Variants in HIPK1 observed in about 807,000 individuals in gnomAD.
HIPK1 encodes the protein homeodomain interacting protein kinase 1.
HIPK1 carries 28 observed loss-of-function variants against 117.1 expected under a neutral mutation model. The observed-to-expected ratio is 0.24, with a 90% CI of 0.18 to 0.33. HIPK1 has a LOEUF of 0.33. HIPK1 is among the 10% of genes least tolerant of loss of function. The probability of loss-of-function intolerance (pLI) is 1.00; values close to 1 mark genes in which losing one functional copy is unlikely to be tolerated. For synonymous variants in HIPK1, 605 were observed against 562.5 expected (o/e 1.08, Z -1.07); for missense variants, 1,122 against 1,475.1 (o/e 0.76, Z 3.92).
rs1672738530 is a variant in HIPK1, at chr1:113,970,346, A to G, written c.3013+149A>G. On this transcript the variant is annotated intron_variant, in intron 14 of 15. Coordinates refer to ENST00000426820, the MANE Select transcript of HIPK1 (RefSeq NM_198268.3). ...TAATTCAGAAATCAGTTCCCTGCAC[A>G]ATGTGAAATTATTTTTGGCCATCAC... 4 of 817,584 alleles carry G rather than the reference A, an allele frequency of 4.9e-6. No homozygotes were observed. The South Asian group carries it at 7.0e-5, about 14-fold the overall frequency. The allele number at this position is 817,584 out of a possible 1,614,324, so 50.6% of individuals were successfully genotyped here.
rs777283008 is a variant in HIPK1, at chr1:113,973,384, A to G, written c.3505A>G (p.Ser1169Gly). The G allele has an allele frequency of 2.9e-5, 47 of 1,613,996 alleles. No homozygotes were observed. In the Admixed American group the frequency reaches 7.7e-4, roughly 26 times the overall value. ...TGGGCCCAGCCTCCTCACTTCTGCCAGCGTGGCCCCTGCTCAGTACCAACA... is the reference window on the plus strand; with the variant it reads ...TGGGCCCAGCCTCCTCACTTCTGCCGGCGTGGCCCCTGCTCAGTACCAACA... ...SVGPSLLTSA[S>G]VAPAQYQHQF... The change falls in exon 16 of 16, where the codon AGC becomes GGC. Residue 1169 changes from serine (S) to glycine (G), a missense_variant. Coordinates refer to ENST00000426820, the MANE Select transcript of HIPK1 (RefSeq NM_198268.3).
chr1:113,962,334 A>G lies in HIPK1; in HGVS notation c.1999A>G (p.Thr667Ala), dbSNP rs778920699. 3.1e-6 allele frequency: 5 copies of G among 1,613,794 alleles called. No homozygotes were observed. In the Admixed American group the frequency reaches 5.0e-5, roughly 16 times the overall value. ...PAFQTGLQAT[T>A]KHSGFPVRMD... ...TTCAATAGCTGGACTACAAGCAACA[A>G]CAAAGCATTCTGGATTCCCTGTGAG... The change falls in exon 9 of 16, where the codon ACA becomes GCA. Residue 667 changes from threonine to alanine, a missense_variant. By Grantham distance (58) the Thr-to-Ala change is moderately conservative. This residue lies in a region of HIPK1 where 731 missense variants were observed against 860.4 expected (regional missense o/e 0.85). Coordinates refer to ENST00000426820, the MANE Select transcript of HIPK1 (RefSeq NM_198268.3).
chr1:113,931,440 G>A (rs1669892327), intron 1 of HIPK1, among the ~76,000 whole-genome samples: 1 of 152,094 alleles, frequency 6.6e-6, no homozygotes, highest in Non-Finnish European at 1.5e-5. Flanking sequence ...GGAACTGGAG[G>A]CAGCCAAGCC....
At chr1:113,930,486 A>G (rs1296955314) in intron 1 of HIPK1, 2 of 152,206 alleles carry the variant, frequency 1.3e-5, no homozygotes, top group Non-Finnish European at 2.9e-5. Context: ...ACTACGTGAG[A>G]CCAGCCCACC....
intron 1 of HIPK1, among the ~76,000 whole-genome samples, chr1:113,938,196 G>C (rs6658209): frequency 6.6e-6 from 1 of 150,550 alleles, no homozygotes; most frequent in African/African-American, 2.4e-5. Flanking sequence ...TCTTGAACTC[G>C]TGGACTCAAG....
intron 8 of HIPK1, 41 bp from the exon 9 acceptor site, chr1:113,962,276 G>T: frequency 6.2e-7 from 1 of 1,604,406 alleles, no homozygotes; most frequent in South Asian, 1.1e-5. Context: ...AGTACTCCCA[G>T]ACCTTGCAAA....
chr1:113,940,366 C>T lies in HIPK1; in HGVS notation c.-2-16C>T. 3.2e-6 allele frequency: 5 copies of T among 1,551,790 alleles called. No individual in the cohort carries two copies. Among genetic ancestry groups the T allele is most frequent in the Non-Finnish European group, 4.3e-6 (5 of 1,150,158 alleles). On this transcript the variant is annotated splice_polypyrimidine_tract_variant and intron_variant, in intron 1 of 15. Transcript: ENST00000426820. Reference sequence around the variant, plus strand: ...TTTTATCCTTGTGGTCTAATTCTTCCTTTCTCTCAATATAGGTATGGCATC... The same window carrying T: ...TTTTATCCTTGTGGTCTAATTCTTCTTTTCTCTCAATATAGGTATGGCATC...
chr1:113,951,945 CTT>C (rs34394248), intron 2 of HIPK1, among the ~76,000 whole-genome samples: 73 of 110,634 alleles, frequency 6.6e-4, no homozygotes, highest in Admixed American at 1.6e-3. Flanking sequence ...TTGACCAGGG[CTT>C]TTTTTTTTTT....
At chr1:113,967,022 A>T (rs143312522) in intron 11 of HIPK1, among the ~76,000 whole-genome samples, 2,973 of 152,252 alleles carry the variant, frequency 0.02, 67 homozygotes, top group Non-Finnish European at 0.029. Context: ...TTCACTTAAC[A>T]TGATGATCTT....
At chr1:113,937,485 C>A (rs535419105) in intron 1 of HIPK1, among the ~76,000 whole-genome samples, 1 of 151,634 alleles carries the variant, frequency 6.6e-6, no homozygotes, top group Non-Finnish European at 1.5e-5. Context: ...AATCAAGGAT[C>A]GAGCATTTGA....
chr1:113,937,672 T>C (rs1670341251), intron 1 of HIPK1, among the ~76,000 whole-genome samples: 1 of 152,162 alleles, frequency 6.6e-6, no homozygotes, highest in Non-Finnish European at 1.5e-5. Context: ...GAGCTTATAC[T>C]GTAGCTGGGA....
At chr1:113,932,478 T>C (rs1459690669) in intron 1 of HIPK1, among the ~76,000 whole-genome samples, 1 of 150,538 alleles carries the variant, frequency 6.6e-6, no homozygotes, top group East Asian at 2.0e-4. Flanking sequence ...CAAGTGATTC[T>C]CATACCTCTG....
At chr1:113,943,133 G>GTTAAAATT (rs1256126393) in intron 2 of HIPK1, among the ~76,000 whole-genome samples, 1 of 152,146 alleles carries the variant, frequency 6.6e-6, no homozygotes, top group African/African-American at 2.4e-5. Flanking sequence ...TAACCATTTG[G>GTTAAAATT]TACCACTCAT....
At position 113,940,716 on chromosome 1, in the gene HIPK1, C is replaced by T. The variant is rs776944920; in HGVS notation, c.333C>T (p.Asn111=). Residue 111 remains asparagine (N), a synonymous_variant, in exon 2 of 16, where the codon AAC becomes AAT. Coordinates refer to ENST00000426820, the MANE Select transcript of HIPK1 (RefSeq NM_198268.3). ...QSSQTLTHRS[N]VSLLEPYQKC... ...GCCAGACCCTGACTCACAGAAGCAACGTTTCTTTGCTTGAGCCATATCAAA... is the reference window on the plus strand; with the variant it reads ...GCCAGACCCTGACTCACAGAAGCAATGTTTCTTTGCTTGAGCCATATCAAA... 1.2e-6 allele frequency: 2 copies of T among 1,614,144 alleles called. No individual in the cohort carries two copies.
Position 113,941,429 on chromosome 1 carries a change from G to A in HIPK1, c.1046G>A (p.Cys349Tyr). 6.2e-7 allele frequency: 1 copy of A among 1,613,870 alleles called. No homozygotes were observed. Among genetic ancestry groups the A allele is most frequent in the Non-Finnish European group, 8.5e-7 (1 of 1,179,840 alleles). Residue 349 changes from cysteine (C) to tyrosine (Y), a missense_variant, in exon 2 of 16, where the codon TGC (cysteine) becomes TAC (tyrosine). By Grantham distance (194) the Cys-to-Tyr change is radical. Around this residue, in one of 6 missense-constraint regions of HIPK1, gnomAD observed 127 missense variants for 197.9 expected, o/e 0.64. Coordinates refer to ENST00000426820, the MANE Select transcript of HIPK1 (RefSeq NM_198268.3). This position sits in a 1 kb window ranked among gnomAD's most constrained non-coding sequence, Gnocchi z 4.9. ...GSASHVSKAV[C>Y]STYLQSRYYR... ...GCTAGTCACGTTTCCAAAGCTGTGT[G>A]CTCAACCTACTTACAGTCACGTTAC... is the stretch of plus-strand genomic sequence containing the variant.
chr1:113,961,715 A>G (rs762424342), intron 8 of HIPK1, among the ~76,000 whole-genome samples: 2 of 152,026 alleles, frequency 1.3e-5, no homozygotes, highest in African/African-American at 2.4e-5. Flanking sequence ...GGAGGCCAAG[A>G]TGGGCAGATC....
intron 4 of HIPK1, among the ~76,000 whole-genome samples, chr1:113,954,996 A>G (rs1671616519): frequency 6.6e-6 from 1 of 152,232 alleles, no homozygotes; most frequent in Non-Finnish European, 1.5e-5. Flanking sequence ...TGTTCAATCC[A>G]CAGCTGATAG....
chr1:113,940,748 G>T lies in HIPK1; in HGVS notation c.365G>T (p.Gly122Val). 1 of 1,614,088 alleles carries T rather than the reference G, an allele frequency of 6.2e-7. No individual in the cohort carries two copies. The highest frequency in any genetic ancestry group is 8.5e-7 in the Non-Finnish European group (1 of 1,180,034). Reference protein sequence around the residue: ...VSLLEPYQKCGLKRKSEEVDS... With the variant: ...VSLLEPYQKCVLKRKSEEVDS... ...TTGCTTGAGCCATATCAAAAATGTG[G>T]ATTGAAACGAAAAAGTGAGGAAGTT... The change falls in exon 2 of 16, where the codon GGA (glycine) becomes GTA (valine). Residue 122 changes from glycine (G) to valine (V), a missense_variant. This residue lies in a region of HIPK1 where 192 missense variants were observed against 234.0 expected (regional missense o/e 0.82). Coordinates refer to ENST00000426820, the MANE Select transcript of HIPK1 (RefSeq NM_198268.3).
At chr1:113,956,022 T>C (rs1055239018) in intron 5 of HIPK1, among the ~76,000 whole-genome samples, 6 of 151,918 alleles carry the variant, frequency 3.9e-5, no homozygotes, top group African/African-American at 1.4e-4. Flanking sequence ...GTAGAAGCTT[T>C]TATATTTAGG....
Sources: allele counts gnomAD v4.1 joint callset (sites outside exome capture counted in the v4.1 genomes callset), GRCh38; gene constraint gnomAD v4.1.1; regional missense constraint gnomAD v4.1.1; non-coding constraint Gnocchi (gnomAD v3.1); transcripts MANE v1.5; gene names NCBI Gene and HGNC (gene_info 2026-07-23, HGNC 2026-07-21).